The following THSD1 variants were observed in gnomAD, a reference collection of about 807,000 sequenced individuals.
THSD1 encodes thrombospondin type 1 domain containing 1, also known as thrombospondin type-1 domain-containing protein 1.
Under a neutral mutation model 46.3 loss-of-function variants are expected in THSD1, and 34 were observed. The ratio of observed to expected loss-of-function variants is 0.74; its 90% confidence interval spans 0.56 to 0.98. The LOEUF is 0.98. Among genes scored for constraint, THSD1 ranks in the 50% least tolerant of loss-of-function variants. THSD1 has a pLI of 0.00. For synonymous variants in THSD1, 407 were observed against 416.5 expected, an observed-to-expected ratio of 0.98 and a Z score of 0.28; for missense variants, 1,023 against 1,058.3, an observed-to-expected ratio of 0.97 and a Z score of 0.46.
intron 4 of THSD1, among the ~76,000 whole-genome samples, chr13:52,383,771 C>T (rs1445880986): frequency 6.6e-6 from 1 of 152,196 alleles, no homozygotes; most frequent in Non-Finnish European, 1.5e-5. Context: ...ACAAAGAGCA[C>T]ACTTGGAAGA....
In THSD1 at chr13:52,398,129, C is replaced by T. The variant is rs1469085824; in HGVS notation, c.124G>A (p.Val42Met). The change falls in exon 3 of 5, where the codon GTG (valine) becomes ATG (methionine). Residue 42 changes from valine to methionine, a missense_variant. Val to Met is a conservative substitution (Grantham distance 21). Coordinates refer to ENST00000258613, the MANE Select transcript of THSD1 (RefSeq NM_018676.4). Reference protein sequence around the residue: ...PGHVALSNDTVYVDFQYFDGA... With the variant: ...PGHVALSNDTMYVDFQYFDGA... ...TCAAAATACTGGAAATCCACATACACTGTGTCGTTGCTTAGTGCTACATGG... is the reference window on the plus strand; with the variant it reads ...TCAAAATACTGGAAATCCACATACATTGTGTCGTTGCTTAGTGCTACATGG... The T allele has an allele frequency of 1.2e-6, 2 of 1,614,226 alleles. No homozygotes were observed. The highest frequency in any genetic ancestry group is 1.6e-4 in the Middle Eastern group (1 of 6,062).
chr13:52,404,274 T>C (rs956471917), intron 1 of THSD1, among the ~76,000 whole-genome samples: 2 of 152,172 alleles, frequency 1.3e-5, no homozygotes, highest in African/African-American at 4.8e-5. Flanking sequence ...TAAGCAAGTA[T>C]ATTATATTCC....
chr13:52,402,681 C>T lies in THSD1; in HGVS notation c.-81G>A, dbSNP rs183940457. 1.4e-3 allele frequency: 2,277 copies of T among 1,579,660 alleles called. 4 individuals are homozygous for T. The highest frequency in any genetic ancestry group is 1.8e-3 in the Non-Finnish European group (2,115 of 1,160,944). On this transcript the variant is annotated splice_region_variant and 5_prime_UTR_variant, in exon 2 of 5. In the 5' UTR this introduces an upstream ATG that the reference lacks. Coordinates refer to ENST00000258613, the MANE Select transcript of THSD1 (RefSeq NM_018676.4). ...ATTGTGATTTTTTTCCCCAAAAACA[C>T]CTGAAATTAGAACCTCAAAAAATGA... is the stretch of plus-strand genomic sequence containing the variant.
chr13:52,377,644 A>G lies in THSD1; in HGVS notation c.2326T>C (p.Ser776Pro), dbSNP rs1347377580. The change falls in exon 5 of 5, where the codon TCT becomes CCT. Residue 776 changes from serine (S) to proline (P), a missense_variant. Around this residue, in one of 3 missense-constraint regions of THSD1, gnomAD observed 578 missense variants for 497.4 expected, o/e 1.16. Coordinates refer to ENST00000258613, the MANE Select transcript of THSD1 (RefSeq NM_018676.4). ...SHKSVSRKQSSPISPKDNYQR... is the reference protein window; with the variant it reads ...SHKSVSRKQSPPISPKDNYQR... ...TAGTTATCTTTGGGGGATATGGGAG[A>G]AGACTGCTTCCTTGAGACACTCTTG... The G allele has an allele frequency of 6.2e-7, 1 of 1,610,254 alleles. No homozygotes were observed. The highest frequency in any genetic ancestry group is 8.5e-7 in the Non-Finnish European group (1 of 1,177,008).
chr13:52,381,081 C>T (rs976122481), intron 4 of THSD1, among the ~76,000 whole-genome samples: 3 of 152,182 alleles, frequency 2.0e-5, no homozygotes, highest in African/African-American at 7.2e-5. Context: ...TACTCTCACT[C>T]ACTCACTATT....
rs1264155983 is a variant in THSD1, at chr13:52,386,205, T to C, written c.1022-19A>G. ...CAAGTTTCTGCAAGGATATAAGTTA[T>C]GCTTTTAATGCTAGTTCATTTGAGA... On this transcript the variant is annotated intron_variant, in intron 3 of 4. Transcript: ENST00000258613. 1.2e-6 allele frequency: 2 copies of C among 1,609,176 alleles called. No homozygotes were observed. Among genetic ancestry groups the C allele is most frequent in the Non-Finnish European group, 1.7e-6 (2 of 1,177,254 alleles).
intron 4 of THSD1, among the ~76,000 whole-genome samples, chr13:52,382,126 T>G (rs916300903): frequency 1.3e-5 from 2 of 152,236 alleles, no homozygotes; most frequent in Admixed American, 1.3e-4. Flanking sequence ...CTGGCTCCAC[T>G]AGCTCTACTA....
chr13:52,387,137 C>T (rs931112337), intron 3 of THSD1, among the ~76,000 whole-genome samples: 4 of 152,182 alleles, frequency 2.6e-5, no homozygotes, highest in African/African-American at 9.6e-5. Flanking sequence ...GAAAGCCTCT[C>T]TGATGTGCAG....
At chr13:52,379,019 C>T (rs535082970) in intron 4 of THSD1, among the ~76,000 whole-genome samples, 3 of 151,876 alleles carry the variant, frequency 2.0e-5, no homozygotes, top group African/African-American at 7.3e-5. Flanking sequence ...TGCACCACCA[C>T]GCCTGGCTAA....
intron 2 of THSD1, 31 bp downstream of exon 2, chr13:52,402,512 C>A (rs748789858): frequency 6.3e-7 from 1 of 1,597,350 alleles, no homozygotes; most frequent in East Asian, 2.2e-5. Context: ...TTATTGCTAC[C>A]AGTAGCGTTA....
At chr13:52,389,784 A>C (rs963691726) in intron 3 of THSD1, among the ~76,000 whole-genome samples, 1 of 152,112 alleles carries the variant, frequency 6.6e-6, no homozygotes, top group African/African-American at 2.4e-5. Context: ...ATAAATGTGA[A>C]TTTCTCATCC....
At chr13:52,398,247 A>G in intron 2 of THSD1, 53 bp from the exon 3 acceptor site, 1 of 1,544,586 alleles carries the variant, frequency 6.5e-7, no homozygotes, top group South Asian at 1.3e-5. Context: ...GAGAAGAACT[A>G]TTAGTGACAT....
chr13:52,390,892 A>G (rs956936270), intron 3 of THSD1, among the ~76,000 whole-genome samples: 10 of 152,196 alleles, frequency 6.6e-5, no homozygotes, highest in Non-Finnish European at 1.2e-4. Context: ...TAAAAATTCC[A>G]CTAGTGAGGA....
At chr13:52,394,721 A>AGGG (rs1223159110) in intron 3 of THSD1, among the ~76,000 whole-genome samples, 1 of 152,164 alleles carries the variant, frequency 6.6e-6, no homozygotes, top group East Asian at 1.9e-4. Flanking sequence ...GTTTTCACTT[A>AGGG]ATAAGCATGC....
chr13:52,402,397 G>C (rs1957870854), intron 2 of THSD1, 146 bp downstream of exon 2: 1 of 486,812 alleles, frequency 2.1e-6, no homozygotes, highest in Non-Finnish European at 3.5e-6. Context: ...GAGAACCCAG[G>C]GTTGCAAGGG....
Position 52,378,054 on chromosome 13 carries a change from G to T in THSD1, c.1916C>A (p.Pro639Gln). The T allele has an allele frequency of 3.1e-6, 5 of 1,614,086 alleles. No homozygotes were observed. Among genetic ancestry groups the T allele is most frequent in the Non-Finnish European group, 4.2e-6 (5 of 1,180,030 alleles). Residue 639 changes from proline to glutamine, a missense_variant, in exon 5 of 5, where the codon CCG becomes CAG. By Grantham distance (76) the Pro-to-Gln change is moderately conservative (BLOSUM62 -1). Around this residue, in one of 3 missense-constraint regions of THSD1, gnomAD observed 578 missense variants for 497.4 expected, o/e 1.16. Coordinates refer to ENST00000258613, the MANE Select transcript of THSD1 (RefSeq NM_018676.4). ...QARHVGSRGG[P>Q]SERSHARNAH... ...GTTCCTGGCATGGCTCCTTTCGGAC[G>T]GGCCCCCTCTGCTGCCCACGTGCCT... is the stretch of plus-strand genomic sequence containing the variant.
chr13:52,385,088 G>A (rs527824291), intron 4 of THSD1, among the ~76,000 whole-genome samples: 55 of 152,304 alleles, frequency 3.6e-4, no homozygotes, highest in African/African-American at 1.3e-3. Context: ...GGTGCCTGTG[G>A]TTTGGGCTAA....
intron 3 of THSD1, among the ~76,000 whole-genome samples, chr13:52,395,157 T>A (rs1957802400): frequency 6.6e-6 from 1 of 152,176 alleles, no homozygotes; most frequent in African/African-American, 2.4e-5. Context: ...AGAAGGAGAA[T>A]AGCCTCAGCT....
At position 52,397,258 on chromosome 13, in the gene THSD1, T is replaced by C. The variant is rs573018946; in HGVS notation, c.995A>G (p.Glu332Gly). ...SSRSHFSAKEECMLIQRNTET... is the reference protein window; with the variant it reads ...SSRSHFSAKEGCMLIQRNTET... ...TGTATTTCTCTGAATTAGCATGCACTCCTCCTTTGCAGAAAAATGGCTTCT... is the reference window on the plus strand; with the variant it reads ...TGTATTTCTCTGAATTAGCATGCACCCCTCCTTTGCAGAAAAATGGCTTCT... Residue 332 changes from glutamate (E) to glycine (G), a missense_variant, in exon 3 of 5, where the codon GAG (glutamate) becomes GGG (glycine). Transcript: ENST00000258613. 1 of 1,606,736 alleles carries C rather than the reference T, an allele frequency of 6.2e-7. No individual in the cohort carries two copies. The highest frequency in any genetic ancestry group is 1.7e-5 in the Admixed American group (1 of 59,384).
Sources: gnomAD v4.1 joint callset for allele counts (sites outside exome capture counted in the v4.1 genomes callset) on GRCh38, gnomAD v4.1.1 for gene constraint, gnomAD v4.1.1 regional missense constraint, MANE v1.5 for transcripts, NCBI Gene and HGNC (gene_info 2026-07-23, HGNC 2026-07-21) for gene names.